PRKD1: variants seen among roughly 807,000 people sequenced by gnomAD.
PRKD1 encodes protein kinase D1, also known as serine/threonine-protein kinase D1.
PRKD1 carries 63 observed loss-of-function variants against 95.9 expected under a neutral mutation model. That is an observed-to-expected ratio of 0.66 (90% confidence interval 0.54 to 0.81). PRKD1 has a LOEUF of 0.81. Among genes scored for constraint, PRKD1 ranks in the 30% least tolerant of loss-of-function variants. The pLI is 0.00. For synonymous variants in PRKD1, 425 were observed against 423.1 expected, an observed-to-expected ratio of 1.00 and a Z score of -0.05; for missense variants, 1,048 against 1,165.3, an observed-to-expected ratio of 0.90 and a Z score of 1.47.
At chr14:29,920,157 G>C (rs755385837) in intron 1 of PRKD1, among the ~76,000 whole-genome samples, 8 of 151,322 alleles carry the variant, frequency 5.3e-5, no homozygotes, top group Non-Finnish European at 1.0e-4. Flanking sequence ...AGGAAGGAAG[G>C]AAACAAGGAA....
chr14:29,834,987 T>C (rs1348453101), intron 1 of PRKD1, among the ~76,000 whole-genome samples: 2 of 151,686 alleles, frequency 1.3e-5, no homozygotes, highest in Non-Finnish European at 2.9e-5. Context: ...TGCTGAGACC[T>C]GGGTTTTTTT....
chr14:29,883,203 C>T (rs1226448301), intron 1 of PRKD1, among the ~76,000 whole-genome samples: 1 of 152,126 alleles, frequency 6.6e-6, no homozygotes, highest in African/African-American at 2.4e-5. Flanking sequence ...ATTGCAAGAA[C>T]AGCATCAAAC....
chr14:29,765,456 A>T (rs1235859168), intron 1 of PRKD1, among the ~76,000 whole-genome samples: 1 of 152,166 alleles, frequency 6.6e-6, no homozygotes. Context: ...ATGGGTAAAA[A>T]CCATTTCAGA....
intron 13 of PRKD1, among the ~76,000 whole-genome samples, chr14:29,607,337 C>T (rs1392610327): frequency 1.6e-4 from 24 of 152,156 alleles, no homozygotes; most frequent in Non-Finnish European, 1.5e-5. Flanking sequence ...TTTTAAACAA[C>T]AAATGTATTA....
At chr14:29,731,593 C>G (rs1479233996) in intron 1 of PRKD1, among the ~76,000 whole-genome samples, 2 of 151,896 alleles carry the variant, frequency 1.3e-5, no homozygotes, top group Non-Finnish European at 2.9e-5. Flanking sequence ...CTATTATTTG[C>G]TTTAAGTATT....
intron 1 of PRKD1, among the ~76,000 whole-genome samples, chr14:29,914,112 G>A (rs997968282): frequency 6.6e-6 from 1 of 152,190 alleles, no homozygotes; most frequent in Non-Finnish European, 1.5e-5. Context: ...ATGTGCTTTA[G>A]GTCAAGTCAT....
intron 2 of PRKD1, among the ~76,000 whole-genome samples, chr14:29,721,070 T>C (rs1013180251): frequency 3.3e-5 from 5 of 152,230 alleles, no homozygotes; most frequent in Non-Finnish European, 7.3e-5. Context: ...GGTTATTATG[T>C]TTGTTCACTT....
intron 1 of PRKD1, among the ~76,000 whole-genome samples, chr14:29,739,702 TCCTC>T (rs1886897886): frequency 6.6e-6 from 1 of 152,138 alleles, no homozygotes; most frequent in East Asian, 1.9e-4. Flanking sequence ...AGACTATAAA[TCCTC>T]CTTCCTTGGG....
At chr14:29,908,786 A>T (rs1175506262) in intron 1 of PRKD1, among the ~76,000 whole-genome samples, 1 of 152,234 alleles carries the variant, frequency 6.6e-6, no homozygotes, top group Non-Finnish European at 1.5e-5. Context: ...GATATCGAGT[A>T]AGAACAATGG....
chr14:29,818,569 A>G (rs1890782080), intron 1 of PRKD1, among the ~76,000 whole-genome samples: 1 of 151,792 alleles, frequency 6.6e-6, no homozygotes, highest in Non-Finnish European at 1.5e-5. Context: ...AGAGAATTCA[A>G]TCTTCTTGGC....
intron 1 of PRKD1, among the ~76,000 whole-genome samples, chr14:29,787,218 T>C (rs1221444146): frequency 7.4e-6 from 1 of 135,162 alleles, no homozygotes; most frequent in Admixed American, 8.5e-5. Flanking sequence ...GTTCAGTGTT[T>C]TTTTTTTTTT....
chr14:29,593,003 C>T (rs559632665), intron 16 of PRKD1, among the ~76,000 whole-genome samples: 3 of 152,238 alleles, frequency 2.0e-5, no homozygotes, highest in Admixed American at 1.3e-4. Context: ...TTGGAGCCAG[C>T]GGACAGGATT....
At chr14:29,895,447 G>T (rs181282314) in intron 1 of PRKD1, among the ~76,000 whole-genome samples, 1 of 151,774 alleles carries the variant, frequency 6.6e-6, no homozygotes, top group African/African-American at 2.4e-5. Context: ...GCCCCTAGCC[G>T]CCCTCCCTGT....
intron 2 of PRKD1, among the ~76,000 whole-genome samples, 188 bp downstream of exon 2, chr14:29,725,348 G>A (rs1188643504): frequency 6.6e-6 from 1 of 152,130 alleles, no homozygotes; most frequent in Non-Finnish European, 1.5e-5. Context: ...GAGCAGTACT[G>A]GGTGTGGACA....
intron 2 of PRKD1, among the ~76,000 whole-genome samples, chr14:29,673,617 T>A (rs759455080): frequency 9.9e-5 from 15 of 152,192 alleles, no homozygotes; most frequent in Non-Finnish European, 2.2e-4. Context: ...GACCACAACT[T>A]CTCTAACTGT....
At chr14:29,850,592 T>G (rs1011053390) in intron 1 of PRKD1, among the ~76,000 whole-genome samples, 4 of 151,294 alleles carry the variant, frequency 2.6e-5, no homozygotes, top group Non-Finnish European at 5.9e-5. Flanking sequence ...ACACAACAAA[T>G]GGAAAAACAC....
chr14:29,855,514 A>G (rs1011879912), intron 1 of PRKD1, among the ~76,000 whole-genome samples: 1 of 152,192 alleles, frequency 6.6e-6, no homozygotes. Context: ...GCCTTGTCTC[A>G]GATGAGACTT....
At chr14:29,634,355 C>A in intron 8 of PRKD1, 63 bp downstream of exon 8, 2 of 1,610,592 alleles carry the variant, frequency 1.2e-6, no homozygotes, top group South Asian at 1.1e-5. Flanking sequence ...CCTCACGGGA[C>A]ATTAGCAACT....
At chr14:29,613,840 C>CA (rs1878653503) in intron 13 of PRKD1, among the ~76,000 whole-genome samples, 1 of 152,184 alleles carries the variant, frequency 6.6e-6, no homozygotes, top group African/African-American at 2.4e-5. Flanking sequence ...CTAAGGAAGG[C>CA]ATACTCTTGG....
Sources: allele counts gnomAD v4.1 joint callset (sites outside exome capture counted in the v4.1 genomes callset), GRCh38; gene constraint gnomAD v4.1.1; transcripts MANE v1.5; gene names NCBI Gene and HGNC (gene_info 2026-07-23, HGNC 2026-07-21).